OSBPL1A: variants seen among roughly 807,000 people sequenced by gnomAD.
OSBPL1A encodes the protein oxysterol-binding protein-related protein 1.
Under a neutral mutation model 137.1 loss-of-function variants are expected in OSBPL1A, and 80 were observed. That is an observed-to-expected ratio of 0.58 (90% CI 0.49 to 0.70). The LOEUF is 0.70. Ranked by LOEUF, OSBPL1A falls within the 30% of genes least tolerant of loss-of-function variation. The pLI, the probability that OSBPL1A is intolerant of heterozygous loss-of-function variation, is 0.00. For synonymous variants in OSBPL1A, 365 were observed against 389.7 expected, an observed-to-expected ratio of 0.94 and a Z score of 0.75; for missense variants, 970 against 1,129.4, an observed-to-expected ratio of 0.86 and a Z score of 2.02.
At chr18:24,331,397 CTTTT>C (rs1211637974) in intron 7 of OSBPL1A, among the ~76,000 whole-genome samples, 6 of 140,436 alleles carry the variant, frequency 4.3e-5, no homozygotes, top group Non-Finnish European at 3.1e-5. Context: ...GCATGTTCCT[CTTTT>C]TTTTTTTTTT....
intron 15 of OSBPL1A, among the ~76,000 whole-genome samples, chr18:24,251,191 C>T (rs2089080937): frequency 6.6e-6 from 1 of 152,330 alleles, no homozygotes; most frequent in East Asian, 1.9e-4. Flanking sequence ...ACTTGTCACC[C>T]TGAAAGGAAG....
At position 24,238,917 on chromosome 18, in the gene OSBPL1A, A is replaced by AGT. The variant is rs1413325491; in HGVS notation, c.1444+302_1444+303insAC. Among the ~76,000 whole-genome samples, 9 of 152,348 alleles carry AGT rather than the reference A, an allele frequency of 5.9e-5. No individual in the cohort carries two copies. In the South Asian group the frequency reaches 1.7e-3, roughly 28 times the overall value. ...TATGTGCTAATGCCTGGCACTAGGAAATGGTCACCCAGTAAAGGACAAATC... is the reference window on the plus strand; with the variant it reads ...TATGTGCTAATGCCTGGCACTAGGAAGTATGGTCACCCAGTAAAGGACAAATC... On this transcript the variant is annotated intron_variant, in intron 16 of 27. Coordinates refer to ENST00000319481, the MANE Select transcript of OSBPL1A (RefSeq NM_080597.4).
At chr18:24,191,148 AGGCC>A (rs544202011) in intron 18 of OSBPL1A, among the ~76,000 whole-genome samples, 313 of 152,370 alleles carry the variant, frequency 2.1e-3, no homozygotes, top group Non-Finnish European at 3.8e-3. Context: ...TATTTCCCAG[AGGCC>A]AAGAAGCCAA....
intron 17 of OSBPL1A, among the ~76,000 whole-genome samples, chr18:24,223,168 A>G (rs777535551): frequency 1.3e-5 from 2 of 152,102 alleles, no homozygotes; most frequent in Non-Finnish European, 1.5e-5. Flanking sequence ...TATAAAAACT[A>G]TTATAATCAT....
chr18:24,300,346 A>G (rs2146098589), intron 14 of OSBPL1A, among the ~76,000 whole-genome samples: 1 of 152,368 alleles, frequency 6.6e-6, no homozygotes, highest in Middle Eastern at 3.4e-3. Context: ...GACTATGAAA[A>G]TCTTTAAATG....
chr18:24,242,132 G>A (rs1286686793), intron 15 of OSBPL1A, among the ~76,000 whole-genome samples: 4 of 151,604 alleles, frequency 2.6e-5, no homozygotes, highest in Non-Finnish European at 5.9e-5. Flanking sequence ...GTTGGGGGGT[G>A]GGGGGCAAGG....
At chr18:24,324,843 T>C (rs983505315) in intron 7 of OSBPL1A, among the ~76,000 whole-genome samples, 2 of 148,294 alleles carry the variant, frequency 1.3e-5, no homozygotes, top group African/African-American at 5.0e-5. Context: ...ATCCCAGCAC[T>C]TTCAGAGGCC....
In OSBPL1A at chr18:24,327,111, CTTTTTTT is replaced by C. The variant is rs68045251; in HGVS notation, c.625+5824_625+5830del. Among the ~76,000 whole-genome samples, 130 of 137,012 alleles carry C rather than the reference CTTTTTTT, an allele frequency of 9.5e-4. 1 individual carries two copies. The highest frequency in any genetic ancestry group is 3.1e-3 in the African/African-American group (114 of 36,892). The allele number at this position is 137,012 out of a possible 152,430, so 89.9% of individuals were successfully genotyped here. On this transcript the variant is annotated intron_variant, in intron 7 of 27. Transcript: ENST00000319481. ...TGCTCTTATGGTTTTTTTCTTTTTT[CTTTTTTT>C]TTTTTTTGAAACGGAGTCTTGCTCT...
chr18:24,319,168 C>A (rs2090795108), intron 7 of OSBPL1A, among the ~76,000 whole-genome samples: 1 of 152,216 alleles, frequency 6.6e-6, no homozygotes, highest in South Asian at 2.1e-4. Context: ...TCTGGAGGCT[C>A]TAAGGGAGAC....
rs1226838951 is a variant in OSBPL1A at position 24,162,616 on chromosome 18, TCAGG to T, written c.*559_*562del. 3.3e-5 allele frequency: 5 copies of T among 152,206 alleles called. No individual in the cohort carries two copies. The highest frequency in any genetic ancestry group is 1.2e-4 in the African/African-American group (5 of 41,450). 9.4% of individuals were successfully genotyped at this position (152,206 alleles called of 1,614,324 possible). A position where few individuals can be genotyped will look rare whatever the true frequency, so the allele number is the denominator to read the frequency against. ...AATCAGAAATATCTATTCTGAATAT[TCAGG>T]CATTTTTTTTCTTCTTGGAAGATGG... On this transcript the variant is annotated 3_prime_UTR_variant, in exon 28 of 28. Transcript: ENST00000319481.
chr18:24,339,229 C>T (rs967018023), intron 5 of OSBPL1A, among the ~76,000 whole-genome samples: 1 of 152,168 alleles, frequency 6.6e-6, no homozygotes, highest in African/African-American at 2.4e-5. Context: ...ACCTCAGCCT[C>T]CCAAAGTGCT....
At chr18:24,296,354 G>A (rs2090292509) in intron 14 of OSBPL1A, among the ~76,000 whole-genome samples, 1 of 152,106 alleles carries the variant, frequency 6.6e-6, no homozygotes, top group Non-Finnish European at 1.5e-5. Context: ...CATTGATTTT[G>A]TAACCTGAGA....
intron 17 of OSBPL1A, among the ~76,000 whole-genome samples, chr18:24,217,407 G>A (rs1041765290): frequency 3.3e-5 from 5 of 151,782 alleles, no homozygotes; most frequent in South Asian, 2.1e-4. Context: ...ACAGGCACCC[G>A]CCACCACGCC....
intron 7 of OSBPL1A, among the ~76,000 whole-genome samples, chr18:24,326,120 C>T (rs2090974054): frequency 6.6e-6 from 1 of 151,988 alleles, no homozygotes; most frequent in Non-Finnish European, 1.5e-5. Flanking sequence ...AAAAAACATA[C>T]AGAATTGTTC....
At chr18:24,273,419 G>A (rs2089767310) in intron 15 of OSBPL1A, among the ~76,000 whole-genome samples, 1 of 152,178 alleles carries the variant, frequency 6.6e-6, no homozygotes, top group Non-Finnish European at 1.5e-5. Flanking sequence ...TGTTTTAAAA[G>A]GCAATCTACA....
chr18:24,202,536 T>C (rs558747831), intron 17 of OSBPL1A, among the ~76,000 whole-genome samples: 1 of 152,228 alleles, frequency 6.6e-6, no homozygotes, highest in Non-Finnish European at 1.5e-5. Flanking sequence ...AGTCTAACAT[T>C]GGTCATGTGA....
At chr18:24,347,035 C>T (rs1036851870) in intron 4 of OSBPL1A, among the ~76,000 whole-genome samples, 2 of 152,074 alleles carry the variant, frequency 1.3e-5, no homozygotes, top group South Asian at 4.1e-4. Flanking sequence ...CAGATGTGAG[C>T]CACCAAACTC....
In OSBPL1A at chr18:24,333,063, A is replaced by G; in HGVS notation, c.504T>C (p.Asp168=). The part of the protein sequence containing the change: ...TALLNRPNPP[D]VNCSDQLGNT... ...TTCCTAACTGATCCGAACAGTTAAC[A>G]TCAGGAGGATTGGGCCTGTTGAGCT... The change falls in exon 7 of 28, where the codon GAT becomes GAC. Residue 168 remains aspartate (D), a synonymous_variant. Coordinates refer to ENST00000319481, the MANE Select transcript of OSBPL1A (RefSeq NM_080597.4). The G allele has an allele frequency of 1.2e-6, 2 of 1,614,146 alleles. No individual in the cohort carries two copies. The highest frequency in any genetic ancestry group is 1.7e-6 in the Non-Finnish European group (2 of 1,179,980).
At chr18:24,175,598 T>C (rs2145916934) in intron 21 of OSBPL1A, among the ~76,000 whole-genome samples, 1 of 152,350 alleles carries the variant, frequency 6.6e-6, no homozygotes. Context: ...GTTTATCTTT[T>C]CATTCTCTGA....
Sources: gnomAD v4.1 joint callset for allele counts (sites outside exome capture counted in the v4.1 genomes callset) on GRCh38, gnomAD v4.1.1 for gene constraint, MANE v1.5 for transcripts, NCBI Gene and HGNC (gene_info 2026-07-23, HGNC 2026-07-21) for gene names.